Variants in ENOX1 observed in about 807,000 individuals in gnomAD.
The protein encoded by ENOX1 is ecto-NOX disulfide-thiol exchanger 1.
ENOX1 carries 42 observed loss-of-function variants against 82.5 expected under a neutral mutation model. The ratio of observed to expected loss-of-function variants is 0.51; its 90% CI spans 0.40 to 0.66. The LOEUF (loss-of-function observed/expected upper bound fraction) is 0.66, where lower values mean the gene tolerates loss of function less well. Ranked by LOEUF, ENOX1 falls within the 30% of genes least tolerant of loss-of-function variation. The pLI is 0.00. For synonymous variants in ENOX1, 271 were observed against 282.2 expected, an observed-to-expected ratio of 0.96 and a Z score of 0.40; for missense variants, 608 against 811.6, an observed-to-expected ratio of 0.75 and a Z score of 3.05.
chr13:43,698,522 C>T (rs1388935899), intron 1 of ENOX1, among the ~76,000 whole-genome samples: 1 of 152,060 alleles, frequency 6.6e-6, no homozygotes, highest in East Asian at 1.9e-4. Flanking sequence ...AAAACTTAAA[C>T]AATTAAACCA....
At chr13:43,392,174 A>T (rs1225226913) in intron 5 of ENOX1, among the ~76,000 whole-genome samples, 1 of 152,150 alleles carries the variant, frequency 6.6e-6, no homozygotes, top group African/African-American at 2.4e-5. Context: ...GTTCCCCCTT[A>T]TGGTCTATTA....
chr13:43,395,843 G>A (rs9567172), intron 5 of ENOX1, among the ~76,000 whole-genome samples: 15,167 of 152,256 alleles, frequency 0.1, 827 homozygotes, highest in East Asian at 0.24. Context: ...GGAATAGCAA[G>A]AGGTTTGCCA....
chr13:43,749,606 G>A (rs376238900), intron 1 of ENOX1, among the ~76,000 whole-genome samples: 1 of 152,120 alleles, frequency 6.6e-6, no homozygotes, highest in East Asian at 1.9e-4. Context: ...CTCCTCACGG[G>A]CAATTAGCAA....
intron 9 of ENOX1, among the ~76,000 whole-genome samples, chr13:43,330,459 G>A (rs1293065162): frequency 2.0e-5 from 3 of 152,242 alleles, no homozygotes; most frequent in Middle Eastern, 3.4e-3. Flanking sequence ...TGCAGGTAAA[G>A]GGAATTTTTT....
intron 3 of ENOX1, among the ~76,000 whole-genome samples, chr13:43,444,926 T>C (rs1051519793): frequency 2.0e-5 from 3 of 152,194 alleles, no homozygotes; most frequent in Non-Finnish European, 2.9e-5. Flanking sequence ...TGCCCTGGGC[T>C]AGGGAGACCT....
chr13:43,624,959 T>A (rs2082901402), intron 2 of ENOX1, among the ~76,000 whole-genome samples: 1 of 152,110 alleles, frequency 6.6e-6, no homozygotes, highest in East Asian at 1.9e-4. Flanking sequence ...GCTACCAATA[T>A]CTACATATCA....
chr13:43,768,299 C>T (rs1361955710), intron 1 of ENOX1, among the ~76,000 whole-genome samples: 1 of 152,146 alleles, frequency 6.6e-6, no homozygotes, highest in Non-Finnish European at 1.5e-5. Context: ...TGAACATATG[C>T]TTCCATAGTA....
chr13:43,277,631 C>T (rs566763329), intron 12 of ENOX1, among the ~76,000 whole-genome samples: 4 of 152,334 alleles, frequency 2.6e-5, no homozygotes, highest in East Asian at 1.9e-4. Context: ...TGTGTGCGTA[C>T]ATCTGAGCAA....
intron 2 of ENOX1, among the ~76,000 whole-genome samples, chr13:43,606,353 G>C (rs937513892): frequency 6.6e-6 from 1 of 152,134 alleles, no homozygotes; most frequent in Non-Finnish European, 1.5e-5. Flanking sequence ...AGAGATATCT[G>C]CACTCTCATG....
At chr13:43,316,286 C>T (rs1041057) in intron 11 of ENOX1, among the ~76,000 whole-genome samples, 17,294 of 152,162 alleles carry the variant, frequency 0.11, 1,190 homozygotes, top group East Asian at 0.18. Flanking sequence ...TGAATTTCAC[C>T]GAGGTGTGGC....
intron 15 of ENOX1, among the ~76,000 whole-genome samples, chr13:43,229,220 G>GT (rs2042165494): frequency 6.6e-6 from 1 of 152,202 alleles, no homozygotes; most frequent in Non-Finnish European, 1.5e-5. Flanking sequence ...CTGTGGAACT[G>GT]TAAGTCCATT....
intron 14 of ENOX1, among the ~76,000 whole-genome samples, chr13:43,247,849 A>T (rs1336816256): frequency 1.7e-3 from 2 of 1,176 alleles, no homozygotes; most frequent in African/African-American, 2.7e-3. Flanking sequence ...ATATATATAT[A>T]TATATATATA....
At chr13:43,217,870 G>T (rs556467939) in intron 16 of ENOX1, among the ~76,000 whole-genome samples, 1 of 152,298 alleles carries the variant, frequency 6.6e-6, no homozygotes, top group African/African-American at 2.4e-5. Context: ...TTGTGGCAAA[G>T]ATCTTAAAAT....
At chr13:43,597,275 G>A (rs2081513652) in intron 2 of ENOX1, among the ~76,000 whole-genome samples, 1 of 152,204 alleles carries the variant, frequency 6.6e-6, no homozygotes, top group Non-Finnish European at 1.5e-5. Context: ...ATGGGATTTG[G>A]GTGGGGACGC....
At chr13:43,614,415 T>A (rs1483059007) in intron 2 of ENOX1, among the ~76,000 whole-genome samples, 1 of 152,150 alleles carries the variant, frequency 6.6e-6, no homozygotes, top group African/African-American at 2.4e-5. Context: ...ACTCTGAGGC[T>A]CTTTTTCTAA....
chr13:43,767,644 C>T (rs898289330), intron 1 of ENOX1, among the ~76,000 whole-genome samples: 1 of 152,210 alleles, frequency 6.6e-6, no homozygotes, highest in Non-Finnish European at 1.5e-5. Context: ...GTAATGGGTT[C>T]ATTAGAGCAT....
chr13:43,265,658 A>C (rs2044331177), intron 13 of ENOX1, among the ~76,000 whole-genome samples: 1 of 152,226 alleles, frequency 6.6e-6, no homozygotes. Context: ...GATGCCTGGC[A>C]AAAGAATAAA....
intron 3 of ENOX1, among the ~76,000 whole-genome samples, chr13:43,422,530 T>C (rs1048280796): frequency 5.3e-5 from 8 of 152,196 alleles, no homozygotes; most frequent in Non-Finnish European, 1.2e-4. Context: ...AATTTTAAAC[T>C]ACAAATCATC....
In ENOX1 at chr13:43,778,436, C is replaced by T. The variant is rs985888678; in HGVS notation, c.-285+8216G>A. 2.6e-5 allele frequency among the ~76,000 whole-genome samples: 4 copies of T among 152,130 alleles called. No individual in the cohort carries two copies. In the South Asian group the frequency reaches 8.3e-4, roughly 31 times the overall value. On this transcript the variant is annotated intron_variant, in intron 1 of 16. Transcript: ENST00000690772. ...AAAAAGCAACCCCACCCCCAGCTAC[C>T]ACTCATTCACTTAGCTAAAATATAG...
Sources: gnomAD v4.1 joint callset for allele counts (sites outside exome capture counted in the v4.1 genomes callset) on GRCh38, gnomAD v4.1.1 for gene constraint, MANE v1.5 for transcripts, NCBI Gene and HGNC (gene_info 2026-07-23, HGNC 2026-07-21) for gene names.